SYNPR: variants seen among roughly 807,000 people sequenced by gnomAD.
SYNPR encodes the protein synaptoporin.
SYNPR carries 23 observed loss-of-function variants against 32.9 expected under a neutral mutation model. That is an observed-to-expected ratio of 0.70 (90% CI 0.50 to 0.99). The LOEUF (loss-of-function observed/expected upper bound fraction) is 0.99. SYNPR is among the 50% of genes least tolerant of loss of function. The probability of loss-of-function intolerance (pLI) is 0.00; values close to 1 mark genes in which losing one functional copy is unlikely to be tolerated. For missense variants in SYNPR, 318 were observed against 349.3 expected (o/e 0.91, Z 0.71); for synonymous variants, 146 against 135.9 (o/e 1.07, Z -0.52).
At chr3:63,474,972 A>G (rs1700872328) in intron 2 of SYNPR, among the ~76,000 whole-genome samples, 1 of 152,186 alleles carries the variant, frequency 6.6e-6, no homozygotes, top group Admixed American at 6.5e-5. Flanking sequence ...AACCAGAAGG[A>G]TTAATATCAC....
intron 3 of SYNPR, among the ~76,000 whole-genome samples, chr3:63,489,530 C>T (rs1027508298): frequency 1.4e-4 from 21 of 152,126 alleles, no homozygotes; most frequent in African/African-American, 4.8e-4. Flanking sequence ...TGAATGACCC[C>T]ATTCTGTATA....
At chr3:63,448,215 G>T (rs1389738003) in intron 2 of SYNPR, among the ~76,000 whole-genome samples, 1 of 151,960 alleles carries the variant, frequency 6.6e-6, no homozygotes, top group East Asian at 2.0e-4. Flanking sequence ...TGTTGGCCAG[G>T]CTGGTCTTGA....
chr3:63,221,490 G>A, the SYNPR span, among the ~76,000 whole-genome samples: 8 of 152,100 alleles, frequency 5.3e-5, no homozygotes, highest in Non-Finnish European at 7.4e-5. Context: ...CAGCTCACTC[G>A]CATAGAGAAC....
chr3:63,430,510 C>G (rs886798518), intron 2 of SYNPR, among the ~76,000 whole-genome samples: 1 of 152,054 alleles, frequency 6.6e-6, no homozygotes, highest in Non-Finnish European at 1.5e-5. Flanking sequence ...TGTGGAAGTA[C>G]GTAAGATGGA....
intron 2 of SYNPR, among the ~76,000 whole-genome samples, chr3:63,386,474 AT>A (rs1423722477): frequency 6.6e-6 from 1 of 152,226 alleles, no homozygotes; most frequent in African/African-American, 2.4e-5. Flanking sequence ...TTCAGATGGC[AT>A]TCTTAATGTT....
intron 4 of SYNPR, among the ~76,000 whole-genome samples, chr3:63,595,748 TATATATA>T (rs1559546204): frequency 2.5e-4 from 10 of 39,372 alleles, no homozygotes; most frequent in African/African-American, 5.8e-4. Flanking sequence ...TATATATATA[TATATATA>T]TATATATATA....
chr3:63,530,057 A>AC (rs1463969490), intron 3 of SYNPR, among the ~76,000 whole-genome samples: 25 of 151,638 alleles, frequency 1.6e-4, no homozygotes, highest in African/African-American at 5.3e-4. Flanking sequence ...CTGCACCCTG[A>AC]CCCCCATGCC....
intron 4 of SYNPR, among the ~76,000 whole-genome samples, chr3:63,598,376 C>G (rs1448361181): frequency 6.6e-6 from 1 of 152,140 alleles, no homozygotes; most frequent in African/African-American, 2.4e-5. Context: ...TATTTGCTAA[C>G]AGCAACTTAT....
chr3:63,433,120 G>A (rs542164234), intron 2 of SYNPR, among the ~76,000 whole-genome samples: 4 of 152,142 alleles, frequency 2.6e-5, no homozygotes, highest in Non-Finnish European at 5.9e-5. Flanking sequence ...CAGAAAGGGT[G>A]GAAGCTTTTT....
At chr3:63,222,259 TAAAGGTGATAAATG>T in the SYNPR span, among the ~76,000 whole-genome samples, 2 of 151,912 alleles carry the variant, frequency 1.3e-5, no homozygotes, top group Non-Finnish European at 2.9e-5. Context: ...AACCCTGATA[TAAAGGTGATAAATG>T]ACAGAACCTA....
At chr3:63,206,653 C>G in the SYNPR span, among the ~76,000 whole-genome samples, 1 of 152,144 alleles carries the variant, frequency 6.6e-6, no homozygotes, top group African/African-American at 2.4e-5. Context: ...TGACATAAAG[C>G]TTTTTGAATG....
rs571337088 is a variant in SYNPR at position 63,256,917 on chromosome 3, C to A, written n.154+4331C>A. ...AAACCACGGCACGAGAACTACGTGA[C>A]GAATGCACAAGCCTCAGCAGCCAAT... is the stretch of plus-strand genomic sequence containing the variant. On this transcript the variant is annotated intron_variant and non_coding_transcript_variant, in intron 2 of 4. Coordinates refer to the SYNPR transcript ENST00000478456. 4.0e-3 allele frequency among the ~76,000 whole-genome samples: 609 copies of A among 152,106 alleles called. 2 individuals carry two copies. Among genetic ancestry groups the A allele is most frequent in the African/African-American group, 0.014 (563 of 41,474 alleles).
At chr3:63,343,104 A>T (rs535784330) in intron 2 of SYNPR, among the ~76,000 whole-genome samples, 1 of 152,274 alleles carries the variant, frequency 6.6e-6, no homozygotes, top group South Asian at 2.1e-4. Context: ...AGGCCCAGAG[A>T]AGGCGACAAG....
chr3:63,608,433 T>C (rs1339016773), intron 4 of SYNPR, among the ~76,000 whole-genome samples: 2 of 152,218 alleles, frequency 1.3e-5, no homozygotes, highest in Admixed American at 6.5e-5. Flanking sequence ...CTGTCTAATA[T>C]GATTATTGTA....
At chr3:63,442,548 G>A in intron 2 of SYNPR, among the ~76,000 whole-genome samples, 1 of 152,186 alleles carries the variant, frequency 6.6e-6, no homozygotes, top group East Asian at 1.9e-4. Context: ...GCCTCAAGGT[G>A]CTATGATTTC....
intron 3 of SYNPR, among the ~76,000 whole-genome samples, chr3:63,546,834 G>A (rs1242588973): frequency 1.3e-5 from 2 of 152,228 alleles, no homozygotes; most frequent in African/African-American, 2.4e-5. Context: ...CTTTCACTTA[G>A]ATTTTTTCTT....
rs557879609 is a variant in SYNPR, at chr3:63,610,412, C to T, written c.600+1096C>T. The T allele has an allele frequency of 6.2e-6, 4 of 644,302 alleles. No homozygotes were observed. The East Asian group carries it at 1.1e-4, about 18-fold the overall frequency. The allele number at this position is 644,302 out of a possible 1,614,324, so 39.9% of individuals were successfully genotyped here. A position where few individuals can be genotyped will look rare whatever the true frequency, so the allele number is the denominator to read the frequency against. ...GGCTCAGCAGTGTTTGCTGAAAGAA[C>T]ATTCTTTAGCACATCCTAGAAATAA... is the stretch of plus-strand genomic sequence containing the variant. On this transcript the variant is annotated intron_variant, in intron 5 of 5. Coordinates refer to ENST00000478300, the MANE Select transcript of SYNPR (RefSeq NM_001130003.2).
At chr3:63,309,375 T>A (rs1235234343) in intron 2 of SYNPR, among the ~76,000 whole-genome samples, 3 of 152,072 alleles carry the variant, frequency 2.0e-5, no homozygotes, top group African/African-American at 7.2e-5. Context: ...TGTGTTTGCA[T>A]GTTTGCTCAT....
At chr3:63,567,260 C>T (rs1033288233) in intron 4 of SYNPR, among the ~76,000 whole-genome samples, 2 of 151,986 alleles carry the variant, frequency 1.3e-5, no homozygotes, top group Non-Finnish European at 2.9e-5. Context: ...ATCAGCCAAC[C>T]AGCCTCCAGA....
Sources: allele counts gnomAD v4.1 joint callset (sites outside exome capture counted in the v4.1 genomes callset), GRCh38; gene constraint gnomAD v4.1.1; transcripts MANE v1.5; gene names NCBI Gene and HGNC (gene_info 2026-07-23, HGNC 2026-07-21).